Variants in ATP6V0D1 observed in about 807,000 individuals in gnomAD.
The protein encoded by ATP6V0D1 is ATPase H+ transporting V0 subunit d1.
Under a neutral mutation model 39.0 loss-of-function variants are expected in ATP6V0D1, and 13 were observed. That is an observed-to-expected ratio of 0.33 (90% CI 0.22 to 0.53). The LOEUF (loss-of-function observed/expected upper bound fraction) is 0.53. ATP6V0D1 is among the 20% of genes least tolerant of loss of function. The probability of loss-of-function intolerance (pLI) is 0.94; values close to 1 mark genes in which losing one functional copy is unlikely to be tolerated. For synonymous variants in ATP6V0D1, 191 were observed against 191.2 expected, an observed-to-expected ratio of 1.00 and a Z score of 0.01; for missense variants, 272 against 470.9, an observed-to-expected ratio of 0.58 and a Z score of 3.91.
chr16:67,466,358 CACACACACACACACACACAA>C (rs1417254617), intron 1 of ATP6V0D1, among the ~76,000 whole-genome samples: 10 of 150,138 alleles, frequency 6.7e-5, no homozygotes, highest in African/African-American at 2.5e-4. Flanking sequence ...CACACACACA[CACACACACACACACACACAA>C]AATTAGCCAG....
chr16:67,439,042 G>A lies in ATP6V0D1; in HGVS notation c.745C>T (p.Pro249Ser), dbSNP rs961169736. 1.2e-6 allele frequency: 2 copies of A among 1,614,238 alleles called. No homozygotes were observed. Among genetic ancestry groups the A allele is most frequent in the Non-Finnish European group, 1.7e-6 (2 of 1,180,046 alleles). ...CGAGCCAGCTGCGCCAGGCCCTCAGGGTAGAGCCGCCCACAGTGTGGAAAG... is the reference window on the plus strand; with the variant it reads ...CGAGCCAGCTGCGCCAGGCCCTCAGAGTAGAGCCGCCCACAGTGTGGAAAG... ...KLFPHCGRLY[P>S]EGLAQLARAD... is the part of the protein sequence containing the mutation. Residue 249 changes from proline to serine, a missense_variant, in exon 6 of 8, where the codon CCT becomes TCT. Around this residue, in one of 4 missense-constraint regions of ATP6V0D1, gnomAD observed 135 missense variants for 273.8 expected, o/e 0.49. Transcript: ENST00000290949.
Position 67,438,164 on chromosome 16 carries a change from G to A in ATP6V0D1, c.*364C>T, listed in dbSNP as rs2040997225. ...CTCTGGGAGCGACCCACAGAAGGGAGAGGAGGCTCAAACTGCCCCCAGGCC... is the reference window on the plus strand; with the variant it reads ...CTCTGGGAGCGACCCACAGAAGGGAAAGGAGGCTCAAACTGCCCCCAGGCC... On this transcript the variant is annotated 3_prime_UTR_variant, in exon 8 of 8. Coordinates refer to ENST00000290949, the MANE Select transcript of ATP6V0D1 (RefSeq NM_004691.5). The A allele has an allele frequency of 3.6e-6, 1 of 277,106 alleles. No homozygotes were observed. The highest frequency in any genetic ancestry group is 2.2e-5 in the African/African-American group (1 of 45,082). The allele number at this position is 277,106 out of a possible 1,614,324, so 17.2% of individuals were successfully genotyped here. A position where few individuals can be genotyped will look rare whatever the true frequency, so the allele number is the denominator to read the frequency against.
chr16:67,462,688 C>T lies in ATP6V0D1; in HGVS notation c.131-8973G>A, dbSNP rs545487985. On this transcript the variant is annotated intron_variant, in intron 1 of 7. Coordinates refer to ENST00000290949, the MANE Select transcript of ATP6V0D1 (RefSeq NM_004691.5). ...AAAAAATAAAACAAAATGAGCCCAGCGCAGTGGTACATGCCTGTAGTCTCA... is the reference window on the plus strand; with the variant it reads ...AAAAAATAAAACAAAATGAGCCCAGTGCAGTGGTACATGCCTGTAGTCTCA... Among the ~76,000 whole-genome samples, 15 of 152,230 alleles carry T rather than the reference C, an allele frequency of 9.9e-5. No homozygotes were observed. The East Asian group carries it at 1.5e-3, about 16-fold the overall frequency.
rs552693576 is a variant in ATP6V0D1, at chr16:67,443,841, C to T, written c.482-663G>A. On this transcript the variant is annotated intron_variant, in intron 3 of 7. Transcript: ENST00000290949. ...CAAGGTCAGCAGGTAGGGCTCAGGC[C>T]TCTTAGCTCAGAACCCAGTGCAGCT... is the stretch of plus-strand genomic sequence containing the variant. Among the ~76,000 whole-genome samples the T allele has an allele frequency of 3.3e-5, 5 of 152,356 alleles. No homozygotes were observed. In the South Asian group the frequency reaches 1.0e-3, roughly 32 times the overall value.
At chr16:67,440,099 G>A (rs1333429077) in intron 4 of ATP6V0D1, 1 of 152,250 alleles carries the variant, frequency 6.6e-6, no homozygotes, top group Non-Finnish European at 1.5e-5. Context: ...CAGGGACTGA[G>A]TGCCCCCGGC....
chr16:67,465,294 T>C (rs1453295503), intron 1 of ATP6V0D1, among the ~76,000 whole-genome samples: 1 of 152,164 alleles, frequency 6.6e-6, no homozygotes, highest in East Asian at 1.9e-4. Flanking sequence ...GGTGCCTGGT[T>C]TGGCCATCTC....
At chr16:67,471,157 G>T (rs1382009578) in intron 1 of ATP6V0D1, among the ~76,000 whole-genome samples, 1 of 152,126 alleles carries the variant, frequency 6.6e-6, no homozygotes. Flanking sequence ...TCAATTCAGG[G>T]TAATTAGCAT....
chr16:67,457,839 C>T (rs1300128478), intron 1 of ATP6V0D1, among the ~76,000 whole-genome samples: 2 of 152,206 alleles, frequency 1.3e-5, no homozygotes, highest in Non-Finnish European at 1.5e-5. Context: ...GGAACGCAGG[C>T]GGCTGGGTGG....
At chr16:67,470,204 T>G (rs2041361774) in intron 1 of ATP6V0D1, among the ~76,000 whole-genome samples, 1 of 152,130 alleles carries the variant, frequency 6.6e-6, no homozygotes, top group African/African-American at 2.4e-5. Flanking sequence ...GGACACAATC[T>G]TATAAGTTGG....
rs1217756191 is a variant in ATP6V0D1, at chr16:67,463,797, GC to G, written c.131-10083del. Among the ~76,000 whole-genome samples the G allele has an allele frequency of 1.3e-5, 2 of 152,030 alleles. 1 individual carries two copies. Among genetic ancestry groups the G allele is most frequent in the Non-Finnish European group, 2.9e-5 (2 of 67,992 alleles). On this transcript the variant is annotated intron_variant, in intron 1 of 7. Coordinates refer to ENST00000290949, the MANE Select transcript of ATP6V0D1 (RefSeq NM_004691.5). Reference sequence around the variant, plus strand: ...TTTCAGCCCTCCCCTCAGCGGCCCTGCTCAAGGGCCTTGTGGGACAGGTGCG... The same window carrying G: ...TTTCAGCCCTCCCCTCAGCGGCCCTGTCAAGGGCCTTGTGGGACAGGTGCG...
Position 67,453,736 on chromosome 16 carries a change from G to A in ATP6V0D1, c.131-21C>T, listed in dbSNP as rs1368238909. On this transcript the variant is annotated intron_variant, in intron 1 of 7. Transcript: ENST00000290949. The surrounding 1 kb of genome is among the most constrained non-coding windows in gnomAD (Gnocchi z 4.1). Reference sequence around the variant, plus strand: ...CAAGTCTGAAACCCAAGGGTAGGGGGTAAGGGCTAGCCTTGCTGGGCCTCC... The same window carrying A: ...CAAGTCTGAAACCCAAGGGTAGGGGATAAGGGCTAGCCTTGCTGGGCCTCC... 1 of 1,611,718 alleles carries A rather than the reference G, an allele frequency of 6.2e-7. No homozygotes were observed. The highest frequency in any genetic ancestry group is 8.5e-7 in the Non-Finnish European group (1 of 1,179,288).
At chr16:67,460,334 T>C (rs2142321589) in intron 1 of ATP6V0D1, among the ~76,000 whole-genome samples, 1 of 152,206 alleles carries the variant, frequency 6.6e-6, no homozygotes, top group East Asian at 1.9e-4. Flanking sequence ...GCCCTGCCCC[T>C]CCTCGGTGAA....
At chr16:67,479,213 A>ATTT (rs574026889) in intron 1 of ATP6V0D1, among the ~76,000 whole-genome samples, 13,131 of 142,300 alleles carry the variant, frequency 0.092, 1,045 homozygotes, top group African/African-American at 0.22. Flanking sequence ...TGTACTGCCG[A>ATTT]TTTTTTTTTT....
chr16:67,467,575 C>T (rs548433635), intron 1 of ATP6V0D1, among the ~76,000 whole-genome samples: 5 of 152,202 alleles, frequency 3.3e-5, no homozygotes, highest in Non-Finnish European at 7.4e-5. Context: ...GCTAGGACTG[C>T]GCTGTTGAAT....
At chr16:67,473,197 T>C (rs550822587) in intron 1 of ATP6V0D1, among the ~76,000 whole-genome samples, 1 of 152,264 alleles carries the variant, frequency 6.6e-6, no homozygotes, top group African/African-American at 2.4e-5. Context: ...TCTTCCCACC[T>C]CTTGGCCTGG....
At chr16:67,448,527 G>A (rs966889579) in intron 2 of ATP6V0D1, among the ~76,000 whole-genome samples, 1 of 151,978 alleles carries the variant, frequency 6.6e-6, no homozygotes, top group African/African-American at 2.4e-5. Context: ...GGGTGTGGTG[G>A]CGCACACCTG....
chr16:67,444,469 C>T lies in ATP6V0D1; in HGVS notation c.481+59G>A, dbSNP rs1048242001. ...CCCCCCAGCGGGTCCACAAACCCCA[C>T]CCTGATGCGCTGATGCTGACACCAC... On this transcript the variant is annotated intron_variant, in intron 3 of 7. Coordinates refer to ENST00000290949, the MANE Select transcript of ATP6V0D1 (RefSeq NM_004691.5). The surrounding 1 kb of genome is among the most constrained non-coding windows in gnomAD (Gnocchi z 4.8). 1.0e-5 allele frequency: 16 copies of T among 1,524,888 alleles called. 1 individual carries two copies. The highest frequency in any genetic ancestry group is 9.5e-5 in the Admixed American group (5 of 52,884). The allele number at this position is 1,524,888 out of a possible 1,614,324, so 94.5% of individuals were successfully genotyped here. A position where few individuals can be genotyped will look rare whatever the true frequency, so the allele number is the denominator to read the frequency against.
At chr16:67,462,873 G>A (rs1165037978) in intron 1 of ATP6V0D1, among the ~76,000 whole-genome samples, 2 of 152,050 alleles carry the variant, frequency 1.3e-5, no homozygotes, top group Non-Finnish European at 2.9e-5. Context: ...TAGCTTCTGG[G>A]TCTGCTGGCC....
intron 1 of ATP6V0D1, among the ~76,000 whole-genome samples, chr16:67,467,532 A>T (rs754504226): frequency 6.6e-6 from 1 of 152,056 alleles, no homozygotes; most frequent in African/African-American, 2.4e-5. Flanking sequence ...TCACTCATCC[A>T]ATCAGGCAAA....
Sources: gnomAD v4.1 joint callset for allele counts (sites outside exome capture counted in the v4.1 genomes callset) on GRCh38, gnomAD v4.1.1 for gene constraint, gnomAD v4.1.1 regional missense constraint, Gnocchi (gnomAD v3.1) non-coding constraint, MANE v1.5 for transcripts, NCBI Gene and HGNC (gene_info 2026-07-23, HGNC 2026-07-21) for gene names.